The following TNIK variants were observed in gnomAD, a reference collection of about 807,000 sequenced individuals.
TNIK encodes the protein TRAF2 and NCK interacting kinase.
In TNIK, 49 loss-of-function variants were observed where a neutral mutation model predicts 191.3. The observed-to-expected ratio is 0.26, with a 90% CI of 0.20 to 0.32. The LOEUF is 0.32. Among genes scored for constraint, TNIK ranks in the 10% least tolerant of loss-of-function variants. The probability of loss-of-function intolerance (pLI) is 1.00; values close to 1 mark genes in which losing one functional copy is unlikely to be tolerated. For synonymous variants in TNIK, 594 were observed against 600.9 expected (o/e 0.99, Z 0.17); for missense variants, 1,155 against 1,702.3 (o/e 0.68, Z 5.66).
At chr3:171,416,481 G>T (rs1351224397) in intron 1 of TNIK, among the ~76,000 whole-genome samples, 2 of 151,870 alleles carry the variant, frequency 1.3e-5, no homozygotes, top group Non-Finnish European at 2.9e-5. Flanking sequence ...ATCCTGGATT[G>T]CAGGGGGAAG....
chr3:171,112,914 T>C (rs942035735), intron 18 of TNIK, among the ~76,000 whole-genome samples: 1 of 152,188 alleles, frequency 6.6e-6, no homozygotes, highest in Non-Finnish European at 1.5e-5. Context: ...TGTACACAAA[T>C]AGCCAATCAC....
rs748767858 is a variant in TNIK at position 171,128,582 on chromosome 3, A to G, written c.1773+132T>C. 2.8e-4 allele frequency: 316 copies of G among 1,145,828 alleles called. 2 individuals carry two copies. Among genetic ancestry groups the G allele is most frequent in the Middle Eastern group, 9.4e-4 (3 of 3,196 alleles). 71.0% of individuals were successfully genotyped at this position (1,145,828 alleles called of 1,614,324 possible). A position where few individuals can be genotyped will look rare whatever the true frequency, so the allele number is the denominator to read the frequency against. ...AAAAATCAGTGGGGCCACCTATTTT[A>G]CTATAAATTCTATATTAAGGGTCAT... On this transcript the variant is annotated intron_variant, in intron 16 of 32. Transcript: ENST00000436636.
intron 30 of TNIK, among the ~76,000 whole-genome samples, chr3:171,067,486 C>T (rs190035404): frequency 2.0e-4 from 30 of 151,830 alleles, no homozygotes; most frequent in East Asian, 7.8e-4. Flanking sequence ...CTGGCTAACA[C>T]GATGAAACCC....
At chr3:171,328,220 C>A (rs1756030883) in intron 2 of TNIK, among the ~76,000 whole-genome samples, 1 of 152,158 alleles carries the variant, frequency 6.6e-6, no homozygotes, top group African/African-American at 2.4e-5. Flanking sequence ...AGTGAGAAGA[C>A]TATGAATCGG....
chr3:171,280,848 A>T (rs1236680949), intron 2 of TNIK, among the ~76,000 whole-genome samples: 2 of 152,174 alleles, frequency 1.3e-5, no homozygotes, highest in Non-Finnish European at 2.9e-5. Flanking sequence ...ATAAAGTAAA[A>T]ATAGATATTT....
rs74686460 is a variant in TNIK, at chr3:171,437,334, C to T, written c.57+22673G>A. On this transcript the variant is annotated intron_variant, in intron 1 of 32. Transcript: ENST00000436636. ...ACCACCCCTTCCACTTTGCTCTGTTCCAGGAATGCCATTTAACTGTCATGG... is the reference window on the plus strand; with the variant it reads ...ACCACCCCTTCCACTTTGCTCTGTTTCAGGAATGCCATTTAACTGTCATGG... 4.3e-3 allele frequency among the ~76,000 whole-genome samples: 654 copies of T among 152,298 alleles called. 5 individuals are homozygous for T. The highest frequency in any genetic ancestry group is 0.015 in the African/African-American group (613 of 41,560).
intron 2 of TNIK, among the ~76,000 whole-genome samples, chr3:171,253,666 A>G (rs1407767038): frequency 3.0e-5 from 4 of 132,434 alleles, no homozygotes; most frequent in African/African-American, 1.1e-4. Flanking sequence ...TCAAGACCCT[A>G]CAATAAATTG....
intron 1 of TNIK, among the ~76,000 whole-genome samples, chr3:171,394,034 T>A (rs1719906829): frequency 6.6e-6 from 1 of 152,206 alleles, no homozygotes; most frequent in Admixed American, 6.5e-5. Flanking sequence ...ATGGACGAAA[T>A]GCTTAAAACT....
At chr3:171,188,995 T>C (rs1338507586) in intron 6 of TNIK, among the ~76,000 whole-genome samples, 163 bp from the exon 7 acceptor site, 1 of 152,216 alleles carries the variant, frequency 6.6e-6, no homozygotes, top group African/African-American at 2.4e-5. Context: ...ACATCCACAC[T>C]GTTGTGCAAC....
At chr3:171,123,500 T>C (rs914118722) in intron 18 of TNIK, 96 bp downstream of exon 18, 2 of 1,045,962 alleles carry the variant, frequency 1.9e-6, no homozygotes, top group African/African-American at 1.6e-5. Flanking sequence ...AACCTGCCTC[T>C]GAAGAGAAAA....
At chr3:171,087,538 A>G in intron 23 of TNIK, 32 bp from the exon 24 acceptor site, 1 of 1,605,862 alleles carries the variant, frequency 6.2e-7, no homozygotes. Flanking sequence ...GAGGAGTTAG[A>G]GAGGGGGGAA....
At chr3:171,421,840 T>C (rs1280572258) in intron 1 of TNIK, among the ~76,000 whole-genome samples, 2 of 146,060 alleles carry the variant, frequency 1.4e-5, no homozygotes, top group East Asian at 4.4e-4. Flanking sequence ...CAAGCAATTA[T>C]CCTGCCTCAG....
chr3:171,112,810 T>C (rs1479982388), intron 18 of TNIK, among the ~76,000 whole-genome samples: 1 of 151,840 alleles, frequency 6.6e-6, no homozygotes, highest in African/African-American at 2.4e-5. Context: ...TTGTCTATTA[T>C]ATAGATGAGT....
chr3:171,329,455 C>T (rs1388317519), intron 2 of TNIK, among the ~76,000 whole-genome samples: 1 of 152,144 alleles, frequency 6.6e-6, no homozygotes, highest in African/African-American at 2.4e-5. Context: ...TTCTAATGAG[C>T]TGTGTGTCCT....
At chr3:171,283,015 C>T (rs567805371) in intron 2 of TNIK, among the ~76,000 whole-genome samples, 1 of 152,224 alleles carries the variant, frequency 6.6e-6, no homozygotes, top group African/African-American at 2.4e-5. Flanking sequence ...TAGTCCCTTT[C>T]CATGCTATCT....
chr3:171,368,957 A>G lies in TNIK; in HGVS notation c.123+663T>C, dbSNP rs184659152. Among the ~76,000 whole-genome samples, 934 of 151,296 alleles carry G rather than the reference A, an allele frequency of 6.2e-3. 4 individuals are homozygous for G. The highest frequency in any genetic ancestry group is 0.011 in the Non-Finnish European group (725 of 67,820). On this transcript the variant is annotated intron_variant, in intron 2 of 32. Coordinates refer to ENST00000436636, the MANE Select transcript of TNIK (RefSeq NM_015028.4). Reference sequence around the variant, plus strand: ...ATTTTTTTTGTTTTTTTTTTTGACAATCAGAAAAGGAATCAACTCACATTT... The same window carrying G: ...ATTTTTTTTGTTTTTTTTTTTGACAGTCAGAAAAGGAATCAACTCACATTT...
rs139323641 is a variant in TNIK, at chr3:171,073,399, T to G, written c.3449-2076A>C. Among the ~76,000 whole-genome samples the G allele has an allele frequency of 3.9e-5, 6 of 152,192 alleles. No individual in the cohort carries two copies. In the East Asian group the frequency reaches 1.2e-3, roughly 29 times the overall value. ...AAATTAACTCACGATGGATTAAAGA[T>G]TTAAATGTACCCAAAACTATAATAA... is the stretch of plus-strand genomic sequence containing the variant. On this transcript the variant is annotated intron_variant, in intron 28 of 32. Transcript: ENST00000436636.
intron 1 of TNIK, among the ~76,000 whole-genome samples, chr3:171,435,657 G>A: frequency 6.6e-6 from 1 of 152,082 alleles, no homozygotes; most frequent in Admixed American, 6.6e-5. Flanking sequence ...CATAATTAAT[G>A]TCCTTTGGTC....
chr3:171,106,287 G>A (rs772185324), intron 21 of TNIK, among the ~76,000 whole-genome samples: 1 of 152,166 alleles, frequency 6.6e-6, no homozygotes, highest in Non-Finnish European at 1.5e-5. Flanking sequence ...AAGTGGGATG[G>A]GGAGGTGTTT....
Sources: allele counts gnomAD v4.1 joint callset (sites outside exome capture counted in the v4.1 genomes callset), GRCh38; gene constraint gnomAD v4.1.1; transcripts MANE v1.5; gene names NCBI Gene and HGNC (gene_info 2026-07-23, HGNC 2026-07-21).